The following SDK1 variants were observed in gnomAD, a reference collection of about 807,000 sequenced individuals.
SDK1 encodes protein sidekick-1.
Under a neutral mutation model 245.5 loss-of-function variants are expected in SDK1, and 157 were observed. That is an observed-to-expected ratio of 0.64 (90% CI 0.56 to 0.73). The LOEUF (loss-of-function observed/expected upper bound fraction) is 0.73. SDK1 is among the 30% of genes least tolerant of loss of function. The pLI is 0.00. For synonymous variants in SDK1, 1,647 were observed against 1,278.5 expected (o/e 1.29, Z -6.15); for missense variants, 3,583 against 3,002.3 (o/e 1.19, Z -4.52).
intron 5 of SDK1, among the ~76,000 whole-genome samples, chr7:3,910,289 C>G (rs529969091): frequency 2.8e-4 from 42 of 152,304 alleles, no homozygotes; most frequent in African/African-American, 9.6e-4. Context: ...TGCCACATCA[C>G]CACAGCACAA....
chr7:3,787,909 A>T lies in SDK1; in HGVS notation c.714-33541A>T, dbSNP rs10269554. Among the ~76,000 whole-genome samples, 851 of 152,328 alleles carry T rather than the reference A, an allele frequency of 5.6e-3. 9 individuals are homozygous for T. Among genetic ancestry groups the T allele is most frequent in the African/African-American group, 0.02 (818 of 41,574 alleles). On this transcript the variant is annotated intron_variant, in intron 4 of 44. Transcript: ENST00000404826. Reference sequence around the variant, plus strand: ...TGGAGTTTGTATGGCTGTCAGTGTCACATGCGGTTGCACAGAAGCCACTCT... The same window carrying T: ...TGGAGTTTGTATGGCTGTCAGTGTCTCATGCGGTTGCACAGAAGCCACTCT...
At chr7:4,243,490 TCA>T (rs1034021628) in intron 43 of SDK1, among the ~76,000 whole-genome samples, 1 of 152,178 alleles carries the variant, frequency 6.6e-6, no homozygotes, top group Non-Finnish European at 1.5e-5. Flanking sequence ...TTTAATGGAC[TCA>T]CAGTTCCACA....
intron 20 of SDK1, among the ~76,000 whole-genome samples, chr7:4,072,858 C>T (rs945636550): frequency 2.0e-5 from 3 of 152,152 alleles, no homozygotes; most frequent in African/African-American, 2.4e-5. Flanking sequence ...CATTTTAATT[C>T]GAGGCCTGGA....
chr7:3,769,569 C>T (rs571563435), intron 4 of SDK1, among the ~76,000 whole-genome samples: 1 of 152,284 alleles, frequency 6.6e-6, no homozygotes, highest in East Asian at 1.9e-4. Flanking sequence ...AATTAAATTT[C>T]AATATGACTT....
At chr7:3,940,120 G>A (rs923966484) in intron 5 of SDK1, among the ~76,000 whole-genome samples, 8 of 151,938 alleles carry the variant, frequency 5.3e-5, no homozygotes, top group Non-Finnish European at 1.0e-4. Flanking sequence ...CAGAAAGCAG[G>A]TGGAGGATGG....
intron 28 of SDK1, among the ~76,000 whole-genome samples, chr7:4,132,986 G>A (rs900620554): frequency 1.6e-4 from 24 of 152,132 alleles, no homozygotes; most frequent in African/African-American, 4.8e-4. Flanking sequence ...TGGCGATACC[G>A]TTTGTAACCG....
chr7:3,454,704 G>A (rs1420420227), intron 1 of SDK1, among the ~76,000 whole-genome samples: 3 of 152,130 alleles, frequency 2.0e-5, no homozygotes, highest in African/African-American at 7.2e-5. Flanking sequence ...TTGCTCAGGA[G>A]TATTTCATGA....
Position 3,428,499 on chromosome 7 carries a change from A to G in SDK1, c.298+126615A>G, listed in dbSNP as rs547546631. 2.7e-3 allele frequency among the ~76,000 whole-genome samples: 410 copies of G among 149,628 alleles called. 4 individuals carry two copies. The highest frequency in any genetic ancestry group is 0.01 in the African/African-American group (391 of 39,040). The stretch of plus-strand genomic sequence containing the variant: ...AACTTTTCAAATATCTTTGATATTT[A>G]TGTTATAAGGAGGCACAATCTGTCT... On this transcript the variant is annotated intron_variant, in intron 1 of 44. Transcript: ENST00000404826.
intron 4 of SDK1, among the ~76,000 whole-genome samples, chr7:3,669,355 C>G (rs931101791): frequency 4.6e-5 from 7 of 152,164 alleles, no homozygotes; most frequent in African/African-American, 1.7e-4. Context: ...GGAACATGTT[C>G]AGGTTTTACA....
chr7:4,009,339 G>A (rs1293546120), intron 14 of SDK1, among the ~76,000 whole-genome samples: 1 of 152,208 alleles, frequency 6.6e-6, no homozygotes, highest in African/African-American at 2.4e-5. Flanking sequence ...CCCTGATACT[G>A]GGAATGGCCT....
At chr7:3,704,842 A>T (rs1047243494) in intron 4 of SDK1, among the ~76,000 whole-genome samples, 1 of 152,122 alleles carries the variant, frequency 6.6e-6, no homozygotes, top group African/African-American at 2.4e-5. Context: ...TAAGTCTTTC[A>T]CCATCTTGAG....
At chr7:3,622,552 A>G (rs1467886108) in intron 2 of SDK1, among the ~76,000 whole-genome samples, 2 of 152,192 alleles carry the variant, frequency 1.3e-5, no homozygotes, top group African/African-American at 4.8e-5. Context: ...AAACTGTTAT[A>G]TATGCAACCT....
At chr7:4,169,396 C>T (rs73674204) in intron 32 of SDK1, among the ~76,000 whole-genome samples, 3,184 of 152,290 alleles carry the variant, frequency 0.021, 118 homozygotes, top group African/African-American at 0.072. Flanking sequence ...CCCTTCATGC[C>T]CCTCGCTCCC....
At position 3,987,310 on chromosome 7, in the gene SDK1, C is replaced by T. The variant is rs555127074; in HGVS notation, c.2119C>T (p.Leu707Phe). The T allele has an allele frequency of 7.4e-6, 12 of 1,613,946 alleles. No individual in the cohort carries two copies. The highest frequency in any genetic ancestry group is 1.1e-5 in the South Asian group (1 of 91,026). The change falls in exon 14 of 45, where the codon CTC becomes TTC. Residue 707 changes from leucine to phenylalanine, a missense_variant. Physicochemically the swap from Leu to Phe is conservative, Grantham distance 22. Transcript: ENST00000404826. ...TCCTATTCTTTATTACATCGTGGAG[C>T]TCTCTGAAAACAGTAAGTAGCAAAA... ...NSPILYYIVELSENNSPWKVH... is the reference protein window; with the variant it reads ...NSPILYYIVEFSENNSPWKVH...
At chr7:3,937,818 G>A (rs1021127461) in intron 5 of SDK1, among the ~76,000 whole-genome samples, 1 of 152,092 alleles carries the variant, frequency 6.6e-6, no homozygotes, top group African/African-American at 2.4e-5. Flanking sequence ...TTGCATGTTT[G>A]GCAAAATTAC....
intron 1 of SDK1, among the ~76,000 whole-genome samples, chr7:3,544,883 G>A (rs1216898665): frequency 6.6e-6 from 1 of 152,204 alleles, no homozygotes; most frequent in African/African-American, 2.4e-5. Flanking sequence ...TGGAGCAGCT[G>A]CCATCTCAGA....
chr7:3,695,046 T>G (rs1311344618), intron 4 of SDK1, among the ~76,000 whole-genome samples: 1 of 152,182 alleles, frequency 6.6e-6, no homozygotes, highest in Admixed American at 6.5e-5. Flanking sequence ...GGGAAACATA[T>G]TAGAGACTCT....
At chr7:4,179,542 C>T (rs890912290) in intron 35 of SDK1, among the ~76,000 whole-genome samples, 3 of 152,188 alleles carry the variant, frequency 2.0e-5, no homozygotes, top group Middle Eastern at 6.8e-3. Flanking sequence ...AATGGTCAAG[C>T]GGTATTTGCA....
chr7:4,235,142 T>C (rs1352014326), intron 41 of SDK1, among the ~76,000 whole-genome samples: 1 of 152,086 alleles, frequency 6.6e-6, no homozygotes, highest in Admixed American at 6.5e-5. Context: ...AGAGGGGCTG[T>C]GAGGAAGGGA....
Sources: allele counts gnomAD v4.1 joint callset (sites outside exome capture counted in the v4.1 genomes callset), GRCh38; gene constraint gnomAD v4.1.1; transcripts MANE v1.5; gene names NCBI Gene and HGNC (gene_info 2026-07-23, HGNC 2026-07-21).